LRIF1: variants seen among roughly 807,000 people sequenced by gnomAD.
The protein encoded by LRIF1 is ligand dependent nuclear receptor interacting factor 1, also known as ligand-dependent nuclear receptor-interacting factor 1.
LRIF1 carries 32 observed loss-of-function variants against 52.7 expected under a neutral mutation model. That is an observed-to-expected ratio of 0.61 (90% CI 0.46 to 0.82). The LOEUF (loss-of-function observed/expected upper bound fraction) is 0.82, where lower values mean the gene tolerates loss of function less well. Among genes scored for constraint, LRIF1 ranks in the 40% least tolerant of loss-of-function variants. The probability of loss-of-function intolerance (pLI) is 0.00; values close to 1 mark genes in which losing one functional copy is unlikely to be tolerated. For missense variants in LRIF1, 887 were observed against 892.0 expected (o/e 0.99, Z 0.07); for synonymous variants, 323 against 317.4 (o/e 1.02, Z -0.19).
the LRIF1 span, among the ~76,000 whole-genome samples, chr1:110,889,064 G>A: frequency 6.6e-3 from 1,004 of 152,222 alleles, 4 homozygotes; most frequent in Middle Eastern, 0.027. Flanking sequence ...GGATTCTCAA[G>A]AATTTGGAAA....
chr1:110,945,950 A>G (rs1658195155), downstream of LRIF1, among the ~76,000 whole-genome samples: 1 of 152,230 alleles, frequency 6.6e-6, no homozygotes, highest in South Asian at 2.1e-4. Context: ...TCCTCAAAAC[A>G]TAGTTAAACA....
intron 2 of LRIF1, 62 bp from the exon 3 acceptor site, chr1:110,950,185 G>A (rs2232044): frequency 0.25 from 377,105 of 1,495,656 alleles, 49,539 homozygotes; most frequent in East Asian, 0.36. Context: ...ACTTTATTAA[G>A]CAACTAAGTG....
chr1:110,942,266 T>C (rs1236066422), downstream of LRIF1: 1 of 152,156 alleles, frequency 6.6e-6, no homozygotes, highest in Non-Finnish European at 1.5e-5. Context: ...GCCATATTTT[T>C]ACATTTCATG....
chr1:110,900,556 G>GTTTTA, the LRIF1 span, among the ~76,000 whole-genome samples: 1 of 151,960 alleles, frequency 6.6e-6, no homozygotes, highest in Admixed American at 6.6e-5. Context: ...TAGTAGAGAT[G>GTTTTA]GGGTTTCACC....
chr1:110,933,389 T>C, the LRIF1 span, among the ~76,000 whole-genome samples: 1 of 152,220 alleles, frequency 6.6e-6, no homozygotes. Context: ...AGGTGAGCAC[T>C]CAGTACCTGG....
the LRIF1 span, among the ~76,000 whole-genome samples, chr1:110,932,755 C>T: frequency 2.6e-5 from 4 of 152,254 alleles, no homozygotes; most frequent in South Asian, 4.1e-4. Flanking sequence ...TATTTCTCCT[C>T]GAACTTTTGC....
intron 3 of LRIF1, among the ~76,000 whole-genome samples, chr1:110,948,704 ATTG>A (rs1420000903): frequency 6.6e-6 from 1 of 152,134 alleles, no homozygotes; most frequent in African/African-American, 2.4e-5. Context: ...TATAAAATTG[ATTG>A]TTTTTTTCTT....
At chr1:110,944,659 A>C (rs1234123496), downstream of LRIF1, 2 of 152,188 alleles carry the variant, frequency 1.3e-5, no homozygotes, top group Non-Finnish European at 2.9e-5. Context: ...AAAGTATATC[A>C]AGGAGAAAAG....
the LRIF1 span, chr1:110,938,843 T>A: frequency 6.6e-6 from 1 of 152,092 alleles, no homozygotes; most frequent in Admixed American, 6.5e-5. Flanking sequence ...TAGAACTAAT[T>A]TAAAAAATCA....
chr1:110,936,298 A>C, the LRIF1 span: 1 of 152,160 alleles, frequency 6.6e-6, no homozygotes, highest in South Asian at 2.1e-4. Flanking sequence ...AAAACACAGA[A>C]TATTCTAACA....
At chr1:110,910,795 T>A in the LRIF1 span, among the ~76,000 whole-genome samples, 1 of 152,150 alleles carries the variant, frequency 6.6e-6, no homozygotes, top group East Asian at 1.9e-4. Flanking sequence ...AAAAAGTTCT[T>A]TGAAATGAAT....
chr1:110,948,001 T>G lies in LRIF1; in HGVS notation c.2268A>C (p.Glu756Asp). 2 of 1,597,154 alleles carry G rather than the reference T, an allele frequency of 1.3e-6. No homozygotes were observed. Among genetic ancestry groups the G allele is most frequent in the East Asian group, 2.2e-5 (1 of 44,714 alleles). The change falls in exon 4 of 4, where the codon GAA becomes GAC. Residue 756 changes from glutamate (E) to aspartate (D), a missense_variant. Physicochemically the swap from Glu to Asp is conservative, Grantham distance 45. Transcript: ENST00000369763. ...TCTTACGCATTTCTTCAAGAGCTGC[T>G]TCTTTCTCTCTCAGCACCTGCTTAA... is the stretch of plus-strand genomic sequence containing the variant. ...RRLKQVLREK[E>D]AALEEMRKKM...
chr1:110,885,485 C>A, the LRIF1 span, among the ~76,000 whole-genome samples: 1 of 152,038 alleles, frequency 6.6e-6, no homozygotes, highest in Non-Finnish European at 1.5e-5. Flanking sequence ...TTGCAGTGAG[C>A]CGAGATCGCG....
the LRIF1 span, among the ~76,000 whole-genome samples, chr1:110,932,249 C>T: frequency 6.6e-6 from 1 of 152,110 alleles, no homozygotes; most frequent in African/African-American, 2.4e-5. Flanking sequence ...GAATCTTTCC[C>T]CATTTCTTGT....
the LRIF1 span, among the ~76,000 whole-genome samples, chr1:110,907,533 A>C: frequency 1.3e-5 from 2 of 152,022 alleles, no homozygotes; most frequent in Non-Finnish European, 2.9e-5. Context: ...GGAGTTCAAG[A>C]CCAGCCTGGC....
chr1:110,958,201 T>A (rs1231773808), intron 1 of LRIF1, among the ~76,000 whole-genome samples: 1 of 152,246 alleles, frequency 6.6e-6, no homozygotes, highest in East Asian at 1.9e-4. Context: ...GTGAAATCTC[T>A]GCTCTTACCA....
intron 2 of LRIF1, among the ~76,000 whole-genome samples, chr1:110,951,057 C>A (rs1184399141): frequency 6.6e-6 from 1 of 152,034 alleles, no homozygotes; most frequent in East Asian, 1.9e-4. Context: ...TTTGGCATGC[C>A]AAGTGATTCA....
At chr1:110,915,474 C>G in the LRIF1 span, among the ~76,000 whole-genome samples, 14 of 145,054 alleles carry the variant, frequency 9.7e-5, no homozygotes, top group African/African-American at 3.6e-4. Context: ...GGCGACAGAG[C>G]GAGACTCCGT....
chr1:110,936,800 G>A, the LRIF1 span: 1 of 152,062 alleles, frequency 6.6e-6, no homozygotes, highest in Admixed American at 6.5e-5. Flanking sequence ...TGGCTGAGTG[G>A]ATGAAAAAAC....
Sources: allele counts gnomAD v4.1 joint callset (sites outside exome capture counted in the v4.1 genomes callset), GRCh38; gene constraint gnomAD v4.1.1; transcripts MANE v1.5; gene names NCBI Gene and HGNC (gene_info 2026-07-23, HGNC 2026-07-21).